Variants in ZER1 observed in about 807,000 individuals in gnomAD.
The protein encoded by ZER1 is zyg-11 related cell cycle regulator.
In ZER1, 11 loss-of-function variants were observed where a neutral mutation model predicts 78.8. That is an observed-to-expected ratio of 0.14 (90% CI 0.09 to 0.23). The LOEUF (loss-of-function observed/expected upper bound fraction) is 0.23, where lower values mean the gene tolerates loss of function less well. Ranked by LOEUF, ZER1 falls within the 10% of genes least tolerant of loss-of-function variation. ZER1 has a pLI of 1.00. For missense variants in ZER1, 588 were observed against 996.9 expected (o/e 0.59, Z 5.52); for synonymous variants, 400 against 407.0 (o/e 0.98, Z 0.21).
chr9:128,734,144 A>AAAAAAAATATATATAT, intron 14 of ZER1, among the ~76,000 whole-genome samples: 4 of 14,438 alleles, frequency 2.8e-4, no homozygotes, highest in African/African-American at 7.5e-4. Context: ...AAAAAAAAAA[A>AAAAAAAATATATATAT]ATATATATAT....
At chr9:128,748,978 T>G (rs1863587898) in intron 8 of ZER1, among the ~76,000 whole-genome samples, 1 of 142,442 alleles carries the variant, frequency 7.0e-6, no homozygotes, top group Non-Finnish European at 1.5e-5. Context: ...AGTGCTGGGA[T>G]TACAGGCGTG....
At chr9:128,752,312 C>T (rs1863705200) in intron 5 of ZER1, among the ~76,000 whole-genome samples, 1 of 151,966 alleles carries the variant, frequency 6.6e-6, no homozygotes, top group South Asian at 2.1e-4. Context: ...CAGAGGGGTA[C>T]TTGGCAAATA....
Position 128,751,580 on chromosome 9 carries a change from G to T in ZER1, c.924-53C>A, listed in dbSNP as rs1274838298. 1.3e-6 allele frequency: 2 copies of T among 1,506,400 alleles called. No individual in the cohort carries two copies. Among genetic ancestry groups the T allele is most frequent in the East Asian group, 4.5e-5 (2 of 44,146 alleles). 93.3% of individuals were successfully genotyped at this position (1,506,400 alleles called of 1,614,324 possible). Reference sequence around the variant, plus strand: ...GGCTTGGGACCCAGGCCTGAGCTGGGCCTCCCCACTGGGGGTGGTGAGGCA... The same window carrying T: ...GGCTTGGGACCCAGGCCTGAGCTGGTCCTCCCCACTGGGGGTGGTGAGGCA... On this transcript the variant is annotated intron_variant, in intron 5 of 15. Coordinates refer to ENST00000291900, the MANE Select transcript of ZER1 (RefSeq NM_006336.4). This position sits in a 1 kb window ranked among gnomAD's most constrained non-coding sequence, Gnocchi z 5.4.
intron 1 of ZER1, among the ~76,000 whole-genome samples, chr9:128,762,623 G>A (rs1434328794): frequency 2.6e-5 from 4 of 152,186 alleles, no homozygotes; most frequent in Admixed American, 2.6e-4. Flanking sequence ...TGTAGTCATT[G>A]CTCAATAAAG....
chr9:128,735,760 G>GTTTTTT lies in ZER1; in HGVS notation c.2043-330_2043-329insAAAAAA, dbSNP rs779646793. ...CTGGGAACAGAAGCACGTGTGACCT[G>GTTTTTT]GTTTTTTTTTTTTTTTTTTTTTTTT... On this transcript the variant is annotated intron_variant, in intron 13 of 15. Coordinates refer to ENST00000291900, the MANE Select transcript of ZER1 (RefSeq NM_006336.4). Among the ~76,000 whole-genome samples the GTTTTTT allele has an allele frequency of 6.5e-3, 106 of 16,194 alleles. 44 individuals are homozygous for GTTTTTT. Among genetic ancestry groups the GTTTTTT allele is most frequent in the African/African-American group, 0.013 (80 of 6,066 alleles). 10.6% of individuals were successfully genotyped at this position (16,194 alleles called of 152,430 possible). A position where few individuals can be genotyped will look rare whatever the true frequency, so the allele number is the denominator to read the frequency against.
chr9:128,736,953 G>T (rs1589517656), intron 13 of ZER1, among the ~76,000 whole-genome samples: 1 of 151,954 alleles, frequency 6.6e-6, no homozygotes, highest in Admixed American at 6.6e-5. Flanking sequence ...AGACCAACCT[G>T]GGCAACACAG....
chr9:128,747,107 G>A (rs1863518566), intron 8 of ZER1, among the ~76,000 whole-genome samples: 1 of 151,812 alleles, frequency 6.6e-6, no homozygotes, highest in Non-Finnish European at 1.5e-5. Flanking sequence ...ACTGAGGCAG[G>A]AGAATCGCTT....
rs145688275 is a variant in ZER1, at chr9:128,753,816, C to T, written c.302G>A (p.Arg101His). 2.5e-4 allele frequency: 393 copies of T among 1,587,384 alleles called. 2 individuals are homozygous for T. In the East Asian group the frequency reaches 5.4e-3, roughly 22 times the overall value. ...TGGCGGGGCAGGTCTCACCTGCTTG[C>T]GGATGGCCTCCAGGTCCTGGTCCTG... is the stretch of plus-strand genomic sequence containing the variant. ...LVQDQDLEAI[R>H]KQDLVELYLT... The change falls in exon 3 of 16, where the codon CGC becomes CAC. Residue 101 changes from arginine to histidine, a missense_variant. Transcript: ENST00000291900. This position sits in a 1 kb window ranked among gnomAD's most constrained non-coding sequence, Gnocchi z 7.5.
rs1253640725 is a variant in ZER1 at position 128,771,585 on chromosome 9, G to C, written c.-99C>G. The C allele has an allele frequency of 1.3e-5, 2 of 152,398 alleles. No homozygotes were observed. The highest frequency in any genetic ancestry group is 2.4e-5 in the African/African-American group (1 of 41,468). The allele number at this position is 152,398 out of a possible 1,614,324, so 9.4% of individuals were successfully genotyped here. The stretch of plus-strand genomic sequence containing the variant: ...GGCCCGGGGTCCGGGACCTACCCTG[G>C]ACGGGGCTGCCCTCAGCGTCGGGAA... On this transcript the variant is annotated 5_prime_UTR_variant, in exon 1 of 16. Coordinates refer to ENST00000291900, the MANE Select transcript of ZER1 (RefSeq NM_006336.4).
chr9:128,751,310 G>C lies in ZER1; in HGVS notation c.1039-42C>G. The C allele has an allele frequency of 6.2e-7, 1 of 1,604,914 alleles. No homozygotes were observed. The highest frequency in any genetic ancestry group is 2.2e-5 in the East Asian group (1 of 44,670). On this transcript the variant is annotated intron_variant, in intron 6 of 15. Transcript: ENST00000291900. This position sits in a 1 kb window ranked among gnomAD's most constrained non-coding sequence, Gnocchi z 5.4. ...CTCAGAACAACCCAGCAGAGGCCAA[G>C]GGCTGGGATGCCAGATCCCAGCTCA... is the stretch of plus-strand genomic sequence containing the variant.
In ZER1 at chr9:128,753,742, T is replaced by TGGGGATGGCTGGGCTGG; in HGVS notation, c.309+66_309+67insCCAGCCCAGCCATCCCC. On this transcript the variant is annotated intron_variant, in intron 3 of 15. Coordinates refer to ENST00000291900, the MANE Select transcript of ZER1 (RefSeq NM_006336.4). This position sits in a 1 kb window ranked among gnomAD's most constrained non-coding sequence, Gnocchi z 7.5. The stretch of plus-strand genomic sequence containing the variant: ...CTGGCTGGGCTGGGGATGGCTGGGC[T>TGGGGATGGCTGGGCTGG]GGAGGCGAGCAGCCTGGCCCCTGCT... 2 of 1,569,486 alleles carry TGGGGATGGCTGGGCTGG rather than the reference T, an allele frequency of 1.3e-6. No homozygotes were observed. The highest frequency in any genetic ancestry group is 8.6e-7 in the Non-Finnish European group (1 of 1,157,096).
At chr9:128,769,010 C>G (rs1037394837) in intron 1 of ZER1, among the ~76,000 whole-genome samples, 7 of 152,060 alleles carry the variant, frequency 4.6e-5, no homozygotes, top group African/African-American at 1.7e-4. Flanking sequence ...AAACTCCTGG[C>G]CTCAAGCGAT....
Position 128,740,984 on chromosome 9 carries a change from C to A in ZER1, c.1738-97G>T. The stretch of plus-strand genomic sequence containing the variant: ...AAAGCTTCATGGGCATCTGGCCATG[C>A]CAACTAGACAAAGAGGGGGCATATA... On this transcript the variant is annotated intron_variant, in intron 11 of 15. Transcript: ENST00000291900. The surrounding 1 kb of genome is among the most constrained non-coding windows in gnomAD (Gnocchi z 4.4). The A allele has an allele frequency of 4.2e-6, 3 of 709,444 alleles. No homozygotes were observed. The highest frequency in any genetic ancestry group is 2.6e-6 in the Non-Finnish European group (1 of 382,310). 43.9% of individuals were successfully genotyped at this position (709,444 alleles called of 1,614,324 possible).
At position 128,742,610 on chromosome 9, in the gene ZER1, C is replaced by T. The variant is rs762476242; in HGVS notation, c.1495G>A (p.Ala499Thr). The T allele has an allele frequency of 5.0e-6, 8 of 1,614,206 alleles. No individual in the cohort carries two copies. Among genetic ancestry groups the T allele is most frequent in the Admixed American group, 1.7e-5 (1 of 60,026 alleles). ...ACCAGGGCATTGCACAGGTGCACGGCGATCCGCTGGATAGACTCGTCCTGC... is the reference window on the plus strand; with the variant it reads ...ACCAGGGCATTGCACAGGTGCACGGTGATCCGCTGGATAGACTCGTCCTGC... ...TRQDESIQRI[A>T]VHLCNALVCQ... Residue 499 changes from alanine (A) to threonine (T), a missense_variant, in exon 9 of 16, where the codon GCC becomes ACC. Ala to Thr is a moderately conservative substitution (Grantham distance 58). Transcript: ENST00000291900.
At chr9:128,750,990 C>T in intron 7 of ZER1, 132 bp downstream of exon 7, 1 of 1,416,826 alleles carries the variant, frequency 7.1e-7, no homozygotes, top group Non-Finnish European at 9.4e-7. Context: ...GAGGCCCAGG[C>T]TGGGGTTCGG....
In ZER1 at chr9:128,751,182, G is replaced by A. The variant is rs774490900; in HGVS notation, c.1125C>T (p.Ile375=). The change falls in exon 7 of 16, where the codon ATC becomes ATT. Residue 375 remains isoleucine (I), a synonymous_variant. Transcript: ENST00000291900. The surrounding 1 kb of genome is among the most constrained non-coding windows in gnomAD (Gnocchi z 5.4). ...TGCGGGCGATGTCAAAAAGCAAGTT[G>A]ATGGCCCGCGAGGTGATCTCAGGCC... ...EHRPEITSRA[I]NLLFDIARIE... 1.9e-6 allele frequency: 3 copies of A among 1,608,150 alleles called. No homozygotes were observed. The Admixed American group carries it at 5.0e-5, about 27-fold the overall frequency.
chr9:128,752,540 C>G (rs1013016195), intron 5 of ZER1, 133 bp downstream of exon 5: 27 of 1,010,086 alleles, frequency 2.7e-5, no homozygotes, highest in Non-Finnish European at 3.6e-5. Context: ...AGGCTGGTCT[C>G]TAACTCCTGG....
At position 128,752,826 on chromosome 9, in the gene ZER1, C is replaced by T. The variant is rs370965484; in HGVS notation, c.770G>A (p.Arg257His). Residue 257 changes from arginine (R) to histidine (H), a missense_variant, in exon 5 of 16, where the codon CGC (arginine) becomes CAC (histidine). Arg to His is a conservative substitution (Grantham distance 29). Around this residue, in one of 3 missense-constraint regions of ZER1, gnomAD observed 406 missense variants for 660.1 expected, o/e 0.62. Transcript: ENST00000291900. ...CTTGAACTTGTAGTAGCTGGAGAGG[C>T]GGTCTCGGGAGATGTCCAGGTGTCT... is the stretch of plus-strand genomic sequence containing the variant. ...KLRHLDISRD[R>H]LSSYYKFKLT... The T allele has an allele frequency of 4.0e-5, 64 of 1,613,752 alleles. No homozygotes were observed. The highest frequency in any genetic ancestry group is 5.0e-5 in the Non-Finnish European group (59 of 1,179,906).
intron 1 of ZER1, among the ~76,000 whole-genome samples, chr9:128,770,804 C>A (rs1449393835): frequency 6.6e-6 from 1 of 152,128 alleles, no homozygotes; most frequent in Non-Finnish European, 1.5e-5. Flanking sequence ...TGAAGAGAAA[C>A]ATTCTGTGAA....
Sources: gnomAD v4.1 joint callset for allele counts (sites outside exome capture counted in the v4.1 genomes callset) on GRCh38, gnomAD v4.1.1 for gene constraint, gnomAD v4.1.1 regional missense constraint, Gnocchi (gnomAD v3.1) non-coding constraint, MANE v1.5 for transcripts, NCBI Gene and HGNC (gene_info 2026-07-23, HGNC 2026-07-21) for gene names.